Variants in ANXA8 observed in about 807,000 individuals in gnomAD.
ANXA8 encodes the protein VAC-beta.
ANXA8 carries 9 observed loss-of-function variants against 26.8 expected under a neutral mutation model. That is an observed-to-expected ratio of 0.34 (90% CI 0.20 to 0.59). The LOEUF is 0.59. Among genes scored for constraint, ANXA8 ranks in the 20% least tolerant of loss-of-function variants. The pLI, the probability that ANXA8 is intolerant of heterozygous loss-of-function variation, is 0.84. For synonymous variants in ANXA8, 39 were observed against 94.8 expected, an observed-to-expected ratio of 0.41 and a Z score of 3.42; for missense variants, 83 against 238.5, an observed-to-expected ratio of 0.35 and a Z score of 4.29.
At chr10:47,975,664 G>T in the ANXA8 span, among the ~76,000 whole-genome samples, 1 of 151,082 alleles carries the variant, frequency 6.6e-6, no homozygotes, top group African/African-American at 2.4e-5. Flanking sequence ...GGGTAGCTGG[G>T]GTCATTAAAT....
the ANXA8 span, among the ~76,000 whole-genome samples, chr10:47,670,926 AT>A: frequency 2.0e-5 from 3 of 150,428 alleles, no homozygotes; most frequent in Admixed American, 2.0e-4. Context: ...GAAGGATTAT[AT>A]TTTAGGTGCT....
the ANXA8 span, chr10:47,565,189 G>C: frequency 7.5e-5 from 51 of 680,908 alleles, 1 homozygote; most frequent in Middle Eastern, 1.5e-3. Flanking sequence ...AGGGCGACGC[G>C]GGCACCCCCT....
At chr10:47,570,642 C>A in the ANXA8 span, among the ~76,000 whole-genome samples, 1 of 150,254 alleles carries the variant, frequency 6.7e-6, no homozygotes, top group South Asian at 2.1e-4. Context: ...GTTATCCAAG[C>A]GTGATGGTGC....
At chr10:47,489,802 A>G in the ANXA8 span, among the ~76,000 whole-genome samples, 4 of 121,176 alleles carry the variant, frequency 3.3e-5, no homozygotes, top group Admixed American at 8.8e-5. Context: ...GTGAGGGCTC[A>G]GGGCTGGCTT....
the ANXA8 span, among the ~76,000 whole-genome samples, chr10:47,652,380 T>C: frequency 3.9e-5 from 6 of 151,950 alleles, no homozygotes; most frequent in South Asian, 1.0e-3. Context: ...GTGGATCACT[T>C]GAGGCCAGGA....
At chr10:47,627,070 TA>T in the ANXA8 span, among the ~76,000 whole-genome samples, 1 of 149,350 alleles carries the variant, frequency 6.7e-6, no homozygotes, top group Admixed American at 6.6e-5. Context: ...AGAAAACATT[TA>T]AAAAAGGAAA....
At chr10:47,726,226 GAGA>G in the ANXA8 span, among the ~76,000 whole-genome samples, 1 of 90,880 alleles carries the variant, frequency 1.1e-5, no homozygotes, top group African/African-American at 4.4e-5. Context: ...CCATGCTGGT[GAGA>G]AGGTTTTTTG....
At chr10:47,733,241 T>A in the ANXA8 span, among the ~76,000 whole-genome samples, 9 of 66,364 alleles carry the variant, frequency 1.4e-4, no homozygotes, top group Admixed American at 3.4e-4. Context: ...CTCTCTTTCT[T>A]TCTTTCTTTC....
chr10:47,679,562 C>T, the ANXA8 span, among the ~76,000 whole-genome samples: 3 of 151,954 alleles, frequency 2.0e-5, no homozygotes, highest in Admixed American at 1.3e-4. Flanking sequence ...CTGCGGTAAG[C>T]CATAATTGTA....
the ANXA8 span, among the ~76,000 whole-genome samples, chr10:47,649,619 G>A: frequency 6.6e-6 from 1 of 151,610 alleles, no homozygotes; most frequent in South Asian, 2.1e-4. Context: ...ATATTGGCCA[G>A]GCTGGTCTCG....
chr10:47,697,132 G>A, the ANXA8 span, among the ~76,000 whole-genome samples: 6 of 152,186 alleles, frequency 3.9e-5, no homozygotes, highest in East Asian at 1.2e-3. Context: ...AACAAAGTAA[G>A]GGAAACAGTA....
At chr10:47,554,892 G>C in the ANXA8 span, among the ~76,000 whole-genome samples, 1 of 151,794 alleles carries the variant, frequency 6.6e-6, no homozygotes, top group East Asian at 1.9e-4. Context: ...GGAGATGTCA[G>C]TAGCCGGGTA....
At chr10:47,553,824 C>G in the ANXA8 span, among the ~76,000 whole-genome samples, 1 of 149,024 alleles carries the variant, frequency 6.7e-6, no homozygotes, top group Non-Finnish European at 1.5e-5. Context: ...GCGCGGGTTA[C>G]TTGATGCCGT....
chr10:47,954,628 G>A, the ANXA8 span, among the ~76,000 whole-genome samples: 294 of 151,256 alleles, frequency 1.9e-3, 3 homozygotes, highest in African/African-American at 6.7e-3. Flanking sequence ...TGATTATTAC[G>A]CATTGCATGC....
the ANXA8 span, chr10:47,726,837 G>C: frequency 7.2e-7 from 1 of 1,396,734 alleles, no homozygotes; most frequent in Non-Finnish European, 1.0e-6. Flanking sequence ...TTACTCTTCT[G>C]TAGGCCAGCG....
At chr10:47,686,418 C>T in the ANXA8 span, among the ~76,000 whole-genome samples, 1 of 151,652 alleles carries the variant, frequency 6.6e-6, no homozygotes, top group Admixed American at 6.6e-5. Flanking sequence ...TACCATGTTG[C>T]CTAGGCTAGG....
chr10:47,747,977 C>G, the ANXA8 span, among the ~76,000 whole-genome samples: 1 of 151,934 alleles, frequency 6.6e-6, no homozygotes, highest in Non-Finnish European at 1.5e-5. Context: ...AAACTCTAAG[C>G]TGAAGAACAG....
chr10:47,743,970 G>A, the ANXA8 span, among the ~76,000 whole-genome samples: 2 of 142,516 alleles, frequency 1.4e-5, no homozygotes, highest in Admixed American at 1.4e-4. Context: ...CGGTACTGCA[G>A]CAATGGAGAT....
the ANXA8 span, among the ~76,000 whole-genome samples, chr10:47,733,213 CTTTCTTTCTCTTTCTTTCTCTCTTTCTT>C: frequency 5.3e-3 from 362 of 68,410 alleles, 11 homozygotes; most frequent in African/African-American, 0.014. Flanking sequence ...TTCTTTCTTT[CTTTCTTTCTCTTTCTTTCTCTCTTTCTT>C]TCTTTCTTTC....
Sources: gnomAD v4.1 joint callset for allele counts (sites outside exome capture counted in the v4.1 genomes callset) on GRCh38, gnomAD v4.1.1 for gene constraint, MANE v1.5 for transcripts, NCBI Gene and HGNC (gene_info 2026-07-23, HGNC 2026-07-21) for gene names.